The following DOCK8 variants were observed in gnomAD, a reference collection of about 807,000 sequenced individuals.
DOCK8 encodes dedicator of cytokinesis protein 8.
In DOCK8, 141 loss-of-function variants were observed where a neutral mutation model predicts 245.6. The observed-to-expected ratio is 0.57, with a 90% CI of 0.50 to 0.66. The LOEUF is 0.66. DOCK8 is among the 30% of genes least tolerant of loss of function. The pLI is 0.00. For missense variants in DOCK8, 2,965 were observed against 2,603.4 expected (o/e 1.14, Z -3.02); for synonymous variants, 1,168 against 970.2 (o/e 1.20, Z -3.79).
intron 19 of DOCK8, 49 bp downstream of exon 19, chr9:376,354 C>T (rs566507692): frequency 7.8e-7 from 1 of 1,276,818 alleles, no homozygotes. Flanking sequence ...AGCGGAGGAG[C>T]CTTTGAAGGA....
chr9:295,563 G>T (rs1186406902), intron 4 of DOCK8, among the ~76,000 whole-genome samples: 1 of 152,082 alleles, frequency 6.6e-6, no homozygotes, highest in Non-Finnish European at 1.5e-5. Context: ...TATATTGAAC[G>T]CACCATGGAG....
Position 420,272 on chromosome 9 carries a change from C to T in DOCK8, c.3841-129C>T, listed in dbSNP as rs890937132. 99 of 991,968 alleles carry T rather than the reference C, an allele frequency of 1.0e-4. No individual in the cohort carries two copies. In the African/African-American group the frequency reaches 1.3e-3, roughly 13 times the overall value. The allele number at this position is 991,968 out of a possible 1,614,324, so 61.4% of individuals were successfully genotyped here. ...TACTGGCAATAGATCTCCAGCCTAG[C>T]AGTGATGTACAGTCATGGTATTTTA... is the stretch of plus-strand genomic sequence containing the variant. On this transcript the variant is annotated intron_variant, in intron 30 of 47. Coordinates refer to ENST00000432829, the MANE Select transcript of DOCK8 (RefSeq NM_203447.4).
intron 4 of DOCK8, 31 bp from the exon 5 acceptor site, chr9:304,550 C>T (rs752079654): frequency 1.2e-6 from 2 of 1,613,656 alleles, no homozygotes; most frequent in Non-Finnish European, 8.5e-7. Flanking sequence ...CTCCCTCTTT[C>T]TCTCTCCAAA....
In DOCK8 at chr9:340,330, C is replaced by G; in HGVS notation, c.1679+9C>G. ...CCTCACACTGTGTACAGGTAAGAAA[C>G]ACAGGCTCGGGCTGGGCGTGGTGGC... On this transcript the variant is annotated intron_variant, in intron 14 of 47. Coordinates refer to ENST00000432829, the MANE Select transcript of DOCK8 (RefSeq NM_203447.4). 6.2e-7 allele frequency: 1 copy of G among 1,613,688 alleles called. No individual in the cohort carries two copies. The highest frequency in any genetic ancestry group is 2.2e-5 in the East Asian group (1 of 44,872).
intron 28 of DOCK8, among the ~76,000 whole-genome samples, chr9:411,411 CA>C (rs1302862058): frequency 7.7e-6 from 1 of 129,892 alleles, no homozygotes; most frequent in South Asian, 2.6e-4. Context: ...AAAACTCCAT[CA>C]CAAATAATAA....
chr9:433,764 T>A (rs1027345789), intron 37 of DOCK8, 111 bp from the exon 38 acceptor site: 85 of 867,836 alleles, frequency 9.8e-5, no homozygotes, highest in Non-Finnish European at 1.5e-4. Context: ...TAGTCTCTGC[T>A]GCCCTCTGAT....
intron 28 of DOCK8, 82 bp from the exon 29 acceptor site, chr9:414,700 T>G: frequency 6.3e-7 from 1 of 1,575,694 alleles, no homozygotes; most frequent in Non-Finnish European, 8.7e-7. Context: ...TTAGGAGCGT[T>G]TTCATCACTC....
chr9:385,229 G>A (rs1219207300), intron 22 of DOCK8, among the ~76,000 whole-genome samples: 4 of 152,158 alleles, frequency 2.6e-5, no homozygotes, highest in African/African-American at 9.7e-5. Context: ...TTGTATCCTG[G>A]AACAGAAATA....
Position 334,251 on chromosome 9 carries a change from A to C in DOCK8, c.1152A>C (p.Lys384Asn), listed in dbSNP as rs780052020. The C allele has an allele frequency of 1.2e-6, 2 of 1,614,112 alleles. No individual in the cohort carries two copies. The highest frequency in any genetic ancestry group is 8.5e-7 in the Non-Finnish European group (1 of 1,180,002). The change falls in exon 11 of 48, where the codon AAA becomes AAC. Residue 384 changes from lysine to asparagine, a missense_variant. Lys to Asn is a moderately conservative substitution (Grantham distance 94). Coordinates refer to ENST00000432829, the MANE Select transcript of DOCK8 (RefSeq NM_203447.4). Reference sequence around the variant, plus strand: ...GTAAAGAAAAGATTGAAAAACTAAAACTCCAAGCTGAATCCTTCTGCCAGC... The same window carrying C: ...GTAAAGAAAAGATTGAAAAACTAAACCTCCAAGCTGAATCCTTCTGCCAGC... ...GKSKEKIEKL[K>N]LQAESFCQRL...
rs2057105579 is a variant in DOCK8 at position 441,901 on chromosome 9, C to T, written c.5382C>T (p.Tyr1794=). ...ATCATAAGAGAATGTTTGGAACCTA[C>T]TTCCGAGTTGGTTTCTTTGGATCCA... ...NKDHKRMFGT[Y]FRVGFFGSKF... is the part of the protein sequence containing the mutation. Residue 1794 remains tyrosine, a synonymous_variant, in exon 42 of 48, where the codon TAC becomes TAT. Coordinates refer to ENST00000432829, the MANE Select transcript of DOCK8 (RefSeq NM_203447.4). 6.2e-7 allele frequency: 1 copy of T among 1,614,160 alleles called. No homozygotes were observed. Among genetic ancestry groups the T allele is most frequent in the East Asian group, 2.2e-5 (1 of 44,866 alleles).
intron 30 of DOCK8, among the ~76,000 whole-genome samples, chr9:419,026 G>C (rs991007502): frequency 6.6e-6 from 1 of 152,150 alleles, no homozygotes; most frequent in South Asian, 2.1e-4. Context: ...GCTCAAAGAG[G>C]GGCTCCTCTG....
chr9:425,304 A>G (rs758713829), intron 33 of DOCK8, among the ~76,000 whole-genome samples: 65 of 152,234 alleles, frequency 4.3e-4, no homozygotes, highest in East Asian at 2.7e-3. Context: ...AGGCCGAGGT[A>G]AGTGGATCAC....
intron 35 of DOCK8, 65 bp downstream of exon 35, chr9:428,561 T>C: frequency 1.3e-6 from 2 of 1,593,744 alleles, no homozygotes; most frequent in Non-Finnish European, 1.7e-6. Context: ...AGCTTCATAC[T>C]TCTCTCTTCA....
At chr9:350,058 GCTC>G (rs2052081946) in intron 14 of DOCK8, among the ~76,000 whole-genome samples, 1 of 152,092 alleles carries the variant, frequency 6.6e-6, no homozygotes, top group Admixed American at 6.5e-5. Context: ...ATCTCCTTGT[GCTC>G]CTCAAGTTCG....
chr9:308,220 A>T (rs573653977), intron 5 of DOCK8, among the ~76,000 whole-genome samples: 3 of 152,270 alleles, frequency 2.0e-5, no homozygotes, highest in Admixed American at 1.3e-4. Flanking sequence ...TGTTCCCAAC[A>T]CAAAGAAATG....
rs776889811 is a variant in DOCK8 at position 215,025 on chromosome 9, A to T, written c.49A>T (p.Asn17Tyr). Reference protein sequence around the residue: ...AERRAFALKINRYSSAEIRKQ... With the variant: ...AERRAFALKIYRYSSAEIRKQ... Reference sequence around the variant, plus strand: ...GCGCCGCGCGTTCGCGCTCAAGATCAACAGGTAAGACGCCCCCCGCGGCGC... The same window carrying T: ...GCGCCGCGCGTTCGCGCTCAAGATCTACAGGTAAGACGCCCCCCGCGGCGC... Residue 17 changes from asparagine (N) to tyrosine (Y), a missense_variant, in exon 1 of 48, where the codon AAC becomes TAC. Asn to Tyr is a moderately radical substitution (Grantham distance 143). Coordinates refer to ENST00000432829, the MANE Select transcript of DOCK8 (RefSeq NM_203447.4). 6.3e-6 allele frequency: 10 copies of T among 1,585,948 alleles called. No homozygotes were observed. In the South Asian group the frequency reaches 1.0e-4, roughly 16 times the overall value.
chr9:375,500 G>C (rs2053479086), intron 18 of DOCK8, among the ~76,000 whole-genome samples: 1 of 152,210 alleles, frequency 6.6e-6, no homozygotes. Flanking sequence ...TTCATGTCTT[G>C]TAAAGATATT....
At chr9:431,105 C>G (rs1337029728) in intron 36 of DOCK8, among the ~76,000 whole-genome samples, 11 of 152,080 alleles carry the variant, frequency 7.2e-5, no homozygotes, top group Admixed American at 7.2e-4. Context: ...AACACCTGAG[C>G]TCAAGTGATC....
At chr9:442,868 C>T (rs1008935717) in intron 42 of DOCK8, among the ~76,000 whole-genome samples, 1 of 151,170 alleles carries the variant, frequency 6.6e-6, no homozygotes, top group South Asian at 2.1e-4. Flanking sequence ...TGCCTAATGG[C>T]TTCGTACACT....
Sources: allele counts gnomAD v4.1 joint callset (sites outside exome capture counted in the v4.1 genomes callset), GRCh38; gene constraint gnomAD v4.1.1; transcripts MANE v1.5; gene names NCBI Gene and HGNC (gene_info 2026-07-23, HGNC 2026-07-21).